TSHZ1: variants seen among roughly 807,000 people sequenced by gnomAD.
TSHZ1 encodes the protein teashirt zinc finger homeobox 1.
TSHZ1 carries 12 observed loss-of-function variants against 67.1 expected under a neutral mutation model. The ratio of observed to expected loss-of-function variants is 0.18; its 90% CI spans 0.11 to 0.29. The LOEUF (loss-of-function observed/expected upper bound fraction) is 0.29, where lower values mean the gene tolerates loss of function less well. Ranked by LOEUF, TSHZ1 falls within the 10% of genes least tolerant of loss-of-function variation. TSHZ1 has a pLI of 1.00. For synonymous variants in TSHZ1, 632 were observed against 622.4 expected, an observed-to-expected ratio of 1.02 and a Z score of -0.23; for missense variants, 1,305 against 1,413.9, an observed-to-expected ratio of 0.92 and a Z score of 1.23.
At chr18:75,222,019 C>T (rs2022851569) in intron 1 of TSHZ1, among the ~76,000 whole-genome samples, 3 of 152,050 alleles carry the variant, frequency 2.0e-5, no homozygotes, top group Admixed American at 2.0e-4. Flanking sequence ...CTAAGTCAGC[C>T]AGGAAGTGAT....
intron 1 of TSHZ1, among the ~76,000 whole-genome samples, chr18:75,250,907 C>G (rs1161449133): frequency 6.6e-6 from 1 of 152,196 alleles, no homozygotes; most frequent in Non-Finnish European, 1.5e-5. Context: ...AGACCCCCGA[C>G]ACCTATTTCA....
intron 1 of TSHZ1, among the ~76,000 whole-genome samples, chr18:75,241,858 G>T (rs758117634): frequency 6.7e-6 from 1 of 150,310 alleles, no homozygotes; most frequent in Non-Finnish European, 1.5e-5. Flanking sequence ...TTGGCTTGTG[G>T]TGCATCACAC....
chr18:75,238,798 T>C (rs1241679110), intron 1 of TSHZ1, among the ~76,000 whole-genome samples: 2 of 152,172 alleles, frequency 1.3e-5, no homozygotes, highest in East Asian at 1.9e-4. Context: ...AAACTGAAAA[T>C]GTGGCAGAAT....
At chr18:75,269,800 T>A (rs898073521) in intron 1 of TSHZ1, among the ~76,000 whole-genome samples, 1 of 152,126 alleles carries the variant, frequency 6.6e-6, no homozygotes. Context: ...CATTGAACAG[T>A]ACCCCTCGTT....
chr18:75,258,093 G>C (rs2023384108), intron 1 of TSHZ1, among the ~76,000 whole-genome samples: 1 of 152,096 alleles, frequency 6.6e-6, no homozygotes, highest in African/African-American at 2.4e-5. Context: ...CCTCTGTCTG[G>C]GAGACTCTCT....
intron 1 of TSHZ1, among the ~76,000 whole-genome samples, chr18:75,252,778 G>C (rs1348649679): frequency 1.3e-5 from 2 of 151,900 alleles, no homozygotes; most frequent in African/African-American, 2.4e-5. Context: ...ATTCCATTTT[G>C]ATTTCAATGA....
At chr18:75,248,656 C>T (rs955860103) in intron 1 of TSHZ1, among the ~76,000 whole-genome samples, 10 of 152,114 alleles carry the variant, frequency 6.6e-5, no homozygotes, top group African/African-American at 2.4e-4. Context: ...AGAAATTTTT[C>T]CCCTCATTTG....
intron 1 of TSHZ1, among the ~76,000 whole-genome samples, chr18:75,216,660 T>C (rs928648649): frequency 7.9e-5 from 12 of 152,252 alleles, no homozygotes; most frequent in African/African-American, 2.9e-4. Context: ...GGTCGTTGGA[T>C]GGCTGCATAT....
In TSHZ1 at chr18:75,286,142, G is replaced by T; in HGVS notation, c.735G>T (p.Lys245Asn). ...GCTCCGTCTTCACGGGCGCCAGCAAGTTCCGGTGCAAAGACTGCAGTGCCG... is the reference window on the plus strand; with the variant it reads ...GCTCCGTCTTCACGGGCGCCAGCAATTTCCGGTGCAAAGACTGCAGTGCCG... ...LYGSVFTGAS[K>N]FRCKDCSAAY... The change falls in exon 2 of 2, where the codon AAG (lysine) becomes AAT (asparagine). Residue 245 changes from lysine to asparagine, a missense_variant. Lys to Asn is a moderately conservative substitution (Grantham distance 94, BLOSUM62 0). Coordinates refer to ENST00000580243, the MANE Select transcript of TSHZ1 (RefSeq NM_001308210.2). The surrounding 1 kb of genome is among the most constrained non-coding windows in gnomAD (Gnocchi z 5.1). The T allele has an allele frequency of 6.2e-7, 1 of 1,613,608 alleles. No individual in the cohort carries two copies. Among genetic ancestry groups the T allele is most frequent in the South Asian group, 1.1e-5 (1 of 91,084 alleles).
At chr18:75,275,718 C>T (rs1343874761) in intron 1 of TSHZ1, among the ~76,000 whole-genome samples, 2 of 152,060 alleles carry the variant, frequency 1.3e-5, no homozygotes, top group African/African-American at 4.8e-5. Context: ...TTTCCCCAGA[C>T]GTGGGGGTAA....
chr18:75,288,221 C>T lies in TSHZ1; in HGVS notation c.2814C>T (p.Thr938=), dbSNP rs114642426. The change falls in exon 2 of 2, where the codon ACC becomes ACT. Residue 938 remains threonine (T), a synonymous_variant. Transcript: ENST00000580243. The surrounding 1 kb of genome is among the most constrained non-coding windows in gnomAD (Gnocchi z 4.9). Reference sequence around the variant, plus strand: ...CGAAGTTTACTGGGCTCTCCATGACCACCATCAGCCACTGGCTGGCCAATG... The same window carrying T: ...CGAAGTTTACTGGGCTCTCCATGACTACCATCAGCCACTGGCTGGCCAATG... ...HISKFTGLSM[T]TISHWLANVK... 2.1e-4 allele frequency: 331 copies of T among 1,614,232 alleles called. No individual in the cohort carries two copies. In the African/African-American group the frequency reaches 4.1e-3, roughly 20 times the overall value.
chr18:75,276,524 C>T (rs2639972), intron 1 of TSHZ1, among the ~76,000 whole-genome samples: 29,228 of 152,108 alleles, frequency 0.19, 2,954 homozygotes, highest in South Asian at 0.34. Flanking sequence ...CTCTCCATAA[C>T]GAAGGTGACG....
intron 1 of TSHZ1, among the ~76,000 whole-genome samples, chr18:75,251,482 C>A (rs867085097): frequency 1.5e-4 from 19 of 128,078 alleles, no homozygotes; most frequent in Non-Finnish European, 1.8e-4. Flanking sequence ...TTTCATTATT[C>A]TTTCTTTAGG....
intron 1 of TSHZ1, among the ~76,000 whole-genome samples, chr18:75,260,728 G>T (rs1198147373): frequency 6.6e-6 from 1 of 152,098 alleles, no homozygotes; most frequent in Non-Finnish European, 1.5e-5. Context: ...CCTCAGTTTT[G>T]CCTTTGTGAC....
chr18:75,259,242 C>G (rs1044538141), intron 1 of TSHZ1, among the ~76,000 whole-genome samples: 2 of 152,210 alleles, frequency 1.3e-5, no homozygotes, highest in African/African-American at 2.4e-5. Context: ...TTTCATGCTG[C>G]AGACTCTCCA....
intron 1 of TSHZ1, among the ~76,000 whole-genome samples, chr18:75,215,759 T>C (rs981884908): frequency 6.6e-6 from 1 of 152,248 alleles, no homozygotes; most frequent in Non-Finnish European, 1.5e-5. Flanking sequence ...AGTGTCTGGA[T>C]AAACAATTTG....
chr18:75,271,161 AG>A (rs1568365435), intron 1 of TSHZ1, among the ~76,000 whole-genome samples: 1 of 152,214 alleles, frequency 6.6e-6, no homozygotes, highest in East Asian at 1.9e-4. Flanking sequence ...GCGTGGACTC[AG>A]GGACCTCACA....
intron 1 of TSHZ1, among the ~76,000 whole-genome samples, chr18:75,248,030 C>T (rs757136919): frequency 1.3e-5 from 2 of 152,054 alleles, no homozygotes; most frequent in South Asian, 2.1e-4. Context: ...TAAAGATAAG[C>T]GCACTAGCCA....
intron 1 of TSHZ1, among the ~76,000 whole-genome samples, chr18:75,222,674 T>G (rs1363148459): frequency 1.3e-5 from 2 of 152,200 alleles, no homozygotes; most frequent in Non-Finnish European, 2.9e-5. Flanking sequence ...AGATGCTAAC[T>G]ATTTGCTCCA....
Sources: allele counts gnomAD v4.1 joint callset (sites outside exome capture counted in the v4.1 genomes callset), GRCh38; gene constraint gnomAD v4.1.1; non-coding constraint Gnocchi (gnomAD v3.1); transcripts MANE v1.5; gene names NCBI Gene and HGNC (gene_info 2026-07-23, HGNC 2026-07-21).